The following CACNA2D3 variants were observed in gnomAD, a reference collection of about 807,000 sequenced individuals.
The protein encoded by CACNA2D3 is calcium voltage-gated channel auxiliary subunit alpha2delta 3, also known as voltage-dependent calcium channel subunit alpha-2/delta-3.
In CACNA2D3, 60 loss-of-function variants were observed where a neutral mutation model predicts 160.6. That is an observed-to-expected ratio of 0.37 (90% CI 0.30 to 0.46). The LOEUF (loss-of-function observed/expected upper bound fraction) is 0.46, where lower values mean the gene tolerates loss of function less well. Among genes scored for constraint, CACNA2D3 ranks in the 20% least tolerant of loss-of-function variants. CACNA2D3 has a pLI of 1.00. For synonymous variants in CACNA2D3, 558 were observed against 492.9 expected (o/e 1.13, Z -1.75); for missense variants, 1,205 against 1,365.0 (o/e 0.88, Z 1.85).
chr3:54,360,126 G>A (rs911689841), intron 3 of CACNA2D3, among the ~76,000 whole-genome samples: 4 of 152,266 alleles, frequency 2.6e-5, no homozygotes, highest in African/African-American at 4.8e-5. Context: ...TTATTGGAAC[G>A]CAGCCATACC....
At chr3:54,382,970 C>T (rs942836623) in intron 3 of CACNA2D3, among the ~76,000 whole-genome samples, 2 of 152,182 alleles carry the variant, frequency 1.3e-5, no homozygotes, top group Non-Finnish European at 2.9e-5. Flanking sequence ...ACCTGAGTTT[C>T]ACCGCTAGCT....
intron 4 of CACNA2D3, among the ~76,000 whole-genome samples, chr3:54,492,408 G>A (rs1029363665): frequency 6.6e-6 from 1 of 152,156 alleles, no homozygotes; most frequent in Non-Finnish European, 1.5e-5. Flanking sequence ...CAGAAGCTGT[G>A]CAACGATAGG....
intron 2 of CACNA2D3, among the ~76,000 whole-genome samples, chr3:54,204,825 A>G (rs75441442): frequency 6.6e-6 from 1 of 151,120 alleles, no homozygotes; most frequent in Admixed American, 6.6e-5. Context: ...AAAAAAGAAA[A>G]AGCAAAACAA....
intron 9 of CACNA2D3, among the ~76,000 whole-genome samples, chr3:54,624,553 C>T (rs1055134942): frequency 3.9e-5 from 6 of 152,186 alleles, no homozygotes; most frequent in Middle Eastern, 3.4e-3. Context: ...ACCCGGGAGG[C>T]GGAGCTTCTG....
intron 11 of CACNA2D3, among the ~76,000 whole-genome samples, chr3:54,680,795 A>C (rs561035685): frequency 6.6e-6 from 1 of 152,102 alleles, no homozygotes; most frequent in Non-Finnish European, 1.5e-5. Flanking sequence ...GGTTATAGCT[A>C]TGTTGCTGCA....
chr3:54,709,737 T>G (rs752654068), intron 11 of CACNA2D3, among the ~76,000 whole-genome samples: 25 of 152,232 alleles, frequency 1.6e-4, no homozygotes, highest in Middle Eastern at 3.4e-3. Flanking sequence ...CCAGCCTGGG[T>G]AGCATAGCGA....
chr3:54,784,102 A>T (rs568404500), intron 13 of CACNA2D3, among the ~76,000 whole-genome samples: 1 of 152,208 alleles, frequency 6.6e-6, no homozygotes. Flanking sequence ...TTGTATGGTA[A>T]GTCTGTCCAC....
chr3:54,871,658 C>G (rs1882317), intron 18 of CACNA2D3, 36 bp downstream of exon 18: 65,222 of 1,502,518 alleles, frequency 0.043, 3,319 homozygotes, highest in African/African-American at 0.23. Context: ...TGGAGAAGGA[C>G]CTGCATTGTA....
At position 54,747,554 on chromosome 3, in the gene CACNA2D3, T is replaced by C. The variant is rs1394270517; in HGVS notation, c.1168-5045T>C. On this transcript the variant is annotated intron_variant, in intron 11 of 37. Coordinates refer to ENST00000474759, the MANE Select transcript of CACNA2D3 (RefSeq NM_018398.3). ...CTTTTACATTATGTATCAGCTCATG[T>C]CAGACTTCTACTCAATCTCTCCTGA... Among the ~76,000 whole-genome samples the C allele has an allele frequency of 2.0e-5, 3 of 152,192 alleles. No individual in the cohort carries two copies. In the East Asian group the frequency reaches 5.8e-4, roughly 29 times the overall value.
At chr3:54,711,422 A>T (rs1244253871) in intron 11 of CACNA2D3, among the ~76,000 whole-genome samples, 1 of 152,216 alleles carries the variant, frequency 6.6e-6, no homozygotes, top group Non-Finnish European at 1.5e-5. Context: ...CATTCTTAAC[A>T]TGTAAACAAT....
At chr3:54,679,143 G>T (rs539230402) in intron 11 of CACNA2D3, among the ~76,000 whole-genome samples, 7 of 152,250 alleles carry the variant, frequency 4.6e-5, no homozygotes, top group Admixed American at 4.6e-4. Flanking sequence ...TTCCTCTGCG[G>T]TCCCATTGGT....
At position 55,004,760 on chromosome 3, in the gene CACNA2D3, T is replaced by G; in HGVS notation, c.2691-3T>G. ...GAAGCTCCCTTCCATTTCTTTCCTGTAGAATTACCCTTTATGACTACCAAG... is the reference window on the plus strand; with the variant it reads ...GAAGCTCCCTTCCATTTCTTTCCTGGAGAATTACCCTTTATGACTACCAAG... On this transcript the variant is annotated splice_polypyrimidine_tract_variant and splice_region_variant and intron_variant, in intron 31 of 37. Transcript: ENST00000474759. The G allele has an allele frequency of 6.2e-7, 1 of 1,610,324 alleles. No individual in the cohort carries two copies. Among genetic ancestry groups the G allele is most frequent in the Non-Finnish European group, 8.5e-7 (1 of 1,176,992 alleles).
chr3:54,857,239 G>A (rs1235145741), intron 17 of CACNA2D3, among the ~76,000 whole-genome samples: 5 of 152,196 alleles, frequency 3.3e-5, no homozygotes, highest in Non-Finnish European at 5.9e-5. Context: ...TTCAAAGAAG[G>A]GTAGGTGACC....
intron 5 of CACNA2D3, among the ~76,000 whole-genome samples, chr3:54,540,435 T>G (rs939052872): frequency 6.6e-6 from 1 of 152,238 alleles, no homozygotes; most frequent in Non-Finnish European, 1.5e-5. Context: ...ATGGGCATTT[T>G]GAATTTGATA....
At chr3:54,324,904 T>C (rs1704089090) in intron 3 of CACNA2D3, among the ~76,000 whole-genome samples, 1 of 128,670 alleles carries the variant, frequency 7.8e-6, no homozygotes, top group Non-Finnish European at 1.7e-5. Context: ...AATGCTTGTC[T>C]GTGTCACAAG....
At chr3:54,468,605 T>C (rs1270224571) in intron 4 of CACNA2D3, among the ~76,000 whole-genome samples, 1 of 152,102 alleles carries the variant, frequency 6.6e-6, no homozygotes, top group East Asian at 1.9e-4. Context: ...GAAAGTGGGC[T>C]GAAGTCAGGG....
chr3:54,217,262 G>A (rs1322075366), intron 2 of CACNA2D3, among the ~76,000 whole-genome samples: 2 of 152,112 alleles, frequency 1.3e-5, no homozygotes, highest in Non-Finnish European at 2.9e-5. Context: ...CAGGGGGGCT[G>A]GCTTGGGAGC....
rs918975348 is a variant in CACNA2D3, at chr3:54,202,626, G to C, written c.204+79032G>C. On this transcript the variant is annotated intron_variant, in intron 2 of 37. Coordinates refer to ENST00000474759, the MANE Select transcript of CACNA2D3 (RefSeq NM_018398.3). Reference sequence around the variant, plus strand: ...TCAGGACACATATTTTAATTATCCAGTTAATGCATGGATTCATTTTGGTTG... The same window carrying C: ...TCAGGACACATATTTTAATTATCCACTTAATGCATGGATTCATTTTGGTTG... Among the ~76,000 whole-genome samples, 4 of 152,188 alleles carry C rather than the reference G, an allele frequency of 2.6e-5. No homozygotes were observed. In the East Asian group the frequency reaches 7.7e-4, roughly 29 times the overall value.
chr3:54,524,643 T>C (rs1346517370), intron 5 of CACNA2D3, among the ~76,000 whole-genome samples: 1 of 152,142 alleles, frequency 6.6e-6, no homozygotes, highest in Non-Finnish European at 1.5e-5. Flanking sequence ...TGTCAGTTTT[T>C]ACTTCATGAA....
Sources: allele counts gnomAD v4.1 joint callset (sites outside exome capture counted in the v4.1 genomes callset), GRCh38; gene constraint gnomAD v4.1.1; transcripts MANE v1.5; gene names NCBI Gene and HGNC (gene_info 2026-07-23, HGNC 2026-07-21).